The following MGA variants were observed in gnomAD, a reference collection of about 807,000 sequenced individuals.
The protein encoded by MGA is MAX dimerization protein MGA.
In MGA, 40 loss-of-function variants were observed where a neutral mutation model predicts 261.1. The observed-to-expected ratio is 0.15, with a 90% confidence interval of 0.12 to 0.20. MGA has a LOEUF of 0.20. Among genes scored for constraint, MGA ranks in the 10% least tolerant of loss-of-function variants. MGA has a pLI of 1.00. For missense variants in MGA, 3,397 were observed against 3,630.5 expected (o/e 0.94, Z 1.65); for synonymous variants, 1,302 against 1,290.6 (o/e 1.01, Z -0.19).
rs944447420 is a variant in MGA at position 41,661,884 on chromosome 15, T to A, written c.-68+1359T>A. ...TCCAAGGTAACAGAACGCGGCTGGG[T>A]CCCGCAGAGCGATCATCGGGTTCCG... On this transcript the variant is annotated intron_variant, in intron 1 of 23. Transcript: ENST00000219905. Among the ~76,000 whole-genome samples the A allele has an allele frequency of 5.9e-5, 9 of 152,150 alleles. No individual in the cohort carries two copies. The South Asian group carries it at 8.3e-4, about 14-fold the overall frequency.
intron 2 of MGA, among the ~76,000 whole-genome samples, chr15:41,695,187 CTT>C (rs533478922): frequency 5.6e-5 from 8 of 143,018 alleles, no homozygotes; most frequent in East Asian, 2.0e-4. Flanking sequence ...TATGTGGAAT[CTT>C]TTTTTTTTTT....
At chr15:41,730,419 A>G (rs2061450632) in intron 11 of MGA, among the ~76,000 whole-genome samples, 1 of 152,074 alleles carries the variant, frequency 6.6e-6, no homozygotes, top group African/African-American at 2.4e-5. Context: ...AGCCTGGGCA[A>G]CAAGAGCAAA....
rs143640447 is a variant in MGA, at chr15:41,743,299, GTATT to G, written c.5212+128_5212+131del. ...GTATTTCTGTTGTAACATGATACAT[GTATT>G]CCTGAAAACCTCTGCATGCTGCAAA... On this transcript the variant is annotated intron_variant, in intron 15 of 23. Coordinates refer to ENST00000219905, the MANE Select transcript of MGA (RefSeq NM_001164273.2). The G allele has an allele frequency of 3.5e-4, 420 of 1,204,142 alleles. 5 individuals carry two copies. The East Asian group carries it at 0.011, about 30-fold the overall frequency. 74.6% of individuals were successfully genotyped at this position (1,204,142 alleles called of 1,614,324 possible).
chr15:41,735,593 T>C (rs1432415901), intron 12 of MGA, among the ~76,000 whole-genome samples: 1 of 152,146 alleles, frequency 6.6e-6, no homozygotes, highest in East Asian at 1.9e-4. Flanking sequence ...AAAAATTAAC[T>C]GGGCGTGGTG....
chr15:41,645,453 A>G (rs2056918238), intron 1 of MGA, among the ~76,000 whole-genome samples: 1 of 152,184 alleles, frequency 6.6e-6, no homozygotes, highest in African/African-American at 2.4e-5. Flanking sequence ...TGGGCGTGGC[A>G]TGTGCCTGTA....
chr15:41,731,504 A>G (rs1321622550), intron 11 of MGA, among the ~76,000 whole-genome samples: 1 of 152,144 alleles, frequency 6.6e-6, no homozygotes, highest in African/African-American at 2.4e-5. Context: ...TAGTTAATAT[A>G]CTACTTTTAC....
intron 1 of MGA, among the ~76,000 whole-genome samples, chr15:41,643,543 G>C (rs886401915): frequency 3.3e-5 from 5 of 151,518 alleles, no homozygotes; most frequent in Non-Finnish European, 5.9e-5. Flanking sequence ...CCTGGCCCTG[G>C]CTCCCATTTT....
intron 18 of MGA, among the ~76,000 whole-genome samples, chr15:41,755,960 A>C (rs1567094797): frequency 6.6e-6 from 1 of 152,184 alleles, no homozygotes; most frequent in South Asian, 2.1e-4. Context: ...TGGAGGTTGC[A>C]GTGAGCTGAG....
chr15:41,681,388 T>G (rs907112976), intron 2 of MGA, among the ~76,000 whole-genome samples: 4 of 149,000 alleles, frequency 2.7e-5, no homozygotes, highest in African/African-American at 9.8e-5. Context: ...TAAATCCTTG[T>G]AGTATACTCT....
chr15:41,765,960 C>T (rs1238399991), intron 23 of MGA, 44 bp from the exon 24 acceptor site: 2 of 1,514,072 alleles, frequency 1.3e-6, no homozygotes, highest in Middle Eastern at 2.1e-4. Context: ...GGTGTTAACA[C>T]TAGATCTAAA....
rs780419344 is a variant in MGA at position 41,742,821 on chromosome 15, G to C, written c.4861G>C (p.Val1621Leu). ...GACACCTATGACTGCTATTTCTGAC[G>C]TGGAAACTAAAGAAACTACTTATTC... Residue 1621 changes from valine (V) to leucine (L), a missense_variant, in exon 15 of 24, where the codon GTG (valine) becomes CTG (leucine). Val to Leu is a conservative substitution (Grantham distance 32). Coordinates refer to ENST00000219905, the MANE Select transcript of MGA (RefSeq NM_001164273.2). The C allele has an allele frequency of 3.5e-5, 57 of 1,613,742 alleles. 1 individual carries two copies. In the South Asian group the frequency reaches 6.0e-4, roughly 17 times the overall value.
At chr15:41,668,652 T>C (rs986964914) in intron 1 of MGA, among the ~76,000 whole-genome samples, 176 bp from the exon 2 acceptor site, 1 of 152,200 alleles carries the variant, frequency 6.6e-6, no homozygotes, top group African/African-American at 2.4e-5. Flanking sequence ...TGATTAGATA[T>C]TCCAGAGTAA....
chr15:41,689,498 C>T (rs1464021760), intron 2 of MGA, among the ~76,000 whole-genome samples: 4 of 150,510 alleles, frequency 2.7e-5, no homozygotes, highest in South Asian at 4.2e-4. Context: ...TTTATATTTA[C>T]GTATTTATTT....
intron 2 of MGA, among the ~76,000 whole-genome samples, chr15:41,672,360 G>T (rs2058107761): frequency 6.6e-6 from 1 of 152,138 alleles, no homozygotes; most frequent in Non-Finnish European, 1.5e-5. Flanking sequence ...TTGCCATGTT[G>T]CCCAGGCTGG....
chr15:41,705,736 T>G (rs1291835848), intron 5 of MGA, among the ~76,000 whole-genome samples: 1 of 152,178 alleles, frequency 6.6e-6, no homozygotes, highest in African/African-American at 2.4e-5. Flanking sequence ...AGCATACAAC[T>G]GAATGTGGTG....
chr15:41,759,438 A>ATGTGTGTGTG (rs58952352), intron 19 of MGA, among the ~76,000 whole-genome samples: 8 of 134,788 alleles, frequency 5.9e-5, no homozygotes, highest in African/African-American at 2.2e-4. Context: ...GCTTCTTAAT[A>ATGTGTGTGTG]TGTGTGTGTG....
At chr15:41,717,704 A>G (rs1475733819) in intron 9 of MGA, among the ~76,000 whole-genome samples, 1 of 152,154 alleles carries the variant, frequency 6.6e-6, no homozygotes, top group African/African-American at 2.4e-5. Flanking sequence ...ACTAAATCCC[A>G]TTTGATACAG....
chr15:41,677,857 C>G (rs2058467183), intron 2 of MGA, among the ~76,000 whole-genome samples: 2 of 151,822 alleles, frequency 1.3e-5, no homozygotes, highest in Admixed American at 1.3e-4. Flanking sequence ...ATTTGCAAAT[C>G]TTTTCTCTCA....
chr15:41,708,666 G>C (rs974752973), intron 7 of MGA, among the ~76,000 whole-genome samples: 3 of 152,142 alleles, frequency 2.0e-5, no homozygotes, highest in African/African-American at 4.8e-5. Context: ...GCTGTTTTCT[G>C]TCTGCTACCC....
Sources: allele counts gnomAD v4.1 joint callset (sites outside exome capture counted in the v4.1 genomes callset), GRCh38; gene constraint gnomAD v4.1.1; transcripts MANE v1.5; gene names NCBI Gene and HGNC (gene_info 2026-07-23, HGNC 2026-07-21).